ZNF829: variants seen among roughly 807,000 people sequenced by gnomAD.
ZNF829 encodes zinc finger protein 829.
In ZNF829, 25 loss-of-function variants were observed where a neutral mutation model predicts 35.2. That is an observed-to-expected ratio of 0.71 (90% CI 0.52 to 0.99). The LOEUF is 0.99. ZNF829 is among the 50% of genes least tolerant of loss of function. ZNF829 has a pLI of 0.00. For missense variants in ZNF829, 417 were observed against 515.3 expected, an observed-to-expected ratio of 0.81 and a Z score of 1.85; for synonymous variants, 136 against 163.2, an observed-to-expected ratio of 0.83 and a Z score of 1.27.
intron 3 of ZNF829, 120 bp from the exon 4 acceptor site, chr19:36,908,579 A>G (rs1397395555): frequency 1.8e-6 from 2 of 1,137,016 alleles, no homozygotes; most frequent in Admixed American, 5.4e-5. Context: ...ATCAGAAGAT[A>G]TACGTCCTGT....
At chr19:36,904,971 C>T (rs892315493) in intron 5 of ZNF829, among the ~76,000 whole-genome samples, 18 of 152,128 alleles carry the variant, frequency 1.2e-4, no homozygotes, top group African/African-American at 4.1e-4. Flanking sequence ...TCACAAACTC[C>T]TCCCTAGGTT....
At chr19:36,910,980 C>G (rs751061914) in intron 3 of ZNF829, among the ~76,000 whole-genome samples, 1 of 152,150 alleles carries the variant, frequency 6.6e-6, no homozygotes, top group Non-Finnish European at 1.5e-5. Flanking sequence ...GCACTCCAGC[C>G]TGGACAACAG....
At chr19:36,909,024 T>C (rs1363064589) in intron 3 of ZNF829, among the ~76,000 whole-genome samples, 1 of 152,194 alleles carries the variant, frequency 6.6e-6, no homozygotes, top group Non-Finnish European at 1.5e-5. Context: ...ACTTCCAATG[T>C]GGCTTTTCTT....
chr19:36,915,293 G>A, intron 1 of ZNF829, 42 bp from the exon 2 acceptor site: 1 of 1,567,402 alleles, frequency 6.4e-7, no homozygotes, highest in Non-Finnish European at 8.6e-7. Context: ...TAGTTGACAG[G>A]ACCCCATACT....
At chr19:36,914,591 A>G (rs1057277028) in intron 3 of ZNF829, among the ~76,000 whole-genome samples, 3 of 152,216 alleles carry the variant, frequency 2.0e-5, no homozygotes, top group Non-Finnish European at 4.4e-5. Context: ...GCAAACATCA[A>G]AAATGTATTT....
At chr19:36,892,750 A>T in intron 5 of ZNF829, 1 of 507,260 alleles carries the variant, frequency 2.0e-6, no homozygotes. Context: ...CACAGTGTTC[A>T]GCACCATCCT....
At chr19:36,912,557 T>C (rs1481649363) in intron 3 of ZNF829, among the ~76,000 whole-genome samples, 1 of 152,220 alleles carries the variant, frequency 6.6e-6, no homozygotes, top group African/African-American at 2.4e-5. Context: ...GTAAGTGTTT[T>C]GGTTAATATC....
chr19:36,907,887 T>C, intron 5 of ZNF829, 42 bp downstream of exon 5: 1 of 1,532,204 alleles, frequency 6.5e-7, no homozygotes, highest in South Asian at 1.1e-5. Flanking sequence ...CAGAAGTATA[T>C]CTCTTTATAG....
Position 36,891,722 on chromosome 19 carries a change from A to T in ZNF829, c.1069T>A (p.Cys357Ser), listed in dbSNP as rs1323183520. 4.3e-6 allele frequency: 7 copies of T among 1,614,040 alleles called. No individual in the cohort carries two copies. Among genetic ancestry groups the T allele is most frequent in the Non-Finnish European group, 5.9e-6 (7 of 1,180,016 alleles). The change falls in exon 6 of 6, where the codon TGT becomes AGT. Residue 357 changes from cysteine (C) to serine (S), a missense_variant. Coordinates refer to ENST00000391711, the MANE Select transcript of ZNF829 (RefSeq NM_001037232.4). ...AGEKLYECEE[C>S]RKAFIQSSEL... is the part of the protein sequence containing the mutation. ...GAGCTCTGAATAAAGGCCTTTCTAC[A>T]TTCTTCACATTCATAGAGCTTCTCA... is the stretch of plus-strand genomic sequence containing the variant.
At chr19:36,903,043 A>G (rs1465562219) in intron 5 of ZNF829, among the ~76,000 whole-genome samples, 1 of 151,932 alleles carries the variant, frequency 6.6e-6, no homozygotes, top group African/African-American at 2.4e-5. Context: ...CTCAAAAATA[A>G]AAAAGAAGAA....
rs1481728921 is a variant in ZNF829 at position 36,889,448 on chromosome 19, T to C, written c.*2044A>G. On this transcript the variant is annotated 3_prime_UTR_variant, in exon 6 of 6. Transcript: ENST00000391711. ...GGGCTTTTTGTTTTTGCAAGATTTT[T>C]TTCTATTACTGATTCAATTTCAATA... 6.6e-6 allele frequency: 1 copy of C among 152,186 alleles called. No individual in the cohort carries two copies. Among genetic ancestry groups the C allele is most frequent in the African/African-American group, 2.4e-5 (1 of 41,444 alleles). 9.4% of individuals were successfully genotyped at this position (152,186 alleles called of 1,614,324 possible). A position where few individuals can be genotyped will look rare whatever the true frequency, so the allele number is the denominator to read the frequency against.
At chr19:36,909,945 A>G (rs1468232267) in intron 3 of ZNF829, among the ~76,000 whole-genome samples, 1 of 152,210 alleles carries the variant, frequency 6.6e-6, no homozygotes, top group East Asian at 1.9e-4. Flanking sequence ...GTATCAAAAA[A>G]TAGCAATATA....
intron 5 of ZNF829, chr19:36,901,674 A>C (rs1437711359): frequency 3.0e-6 from 1 of 334,310 alleles, no homozygotes; most frequent in Non-Finnish European, 5.6e-6. Flanking sequence ...AGTCACAGAA[A>C]ACTTCTAGTA....
chr19:36,892,580 G>A, intron 5 of ZNF829, 109 bp from the exon 6 acceptor site: 1 of 1,195,198 alleles, frequency 8.4e-7, no homozygotes. Flanking sequence ...AAATTACACA[G>A]TTTTCAAAGG....
chr19:36,904,619 C>T (rs564207765), intron 5 of ZNF829, among the ~76,000 whole-genome samples: 4 of 152,148 alleles, frequency 2.6e-5, no homozygotes, highest in African/African-American at 9.6e-5. Context: ...AGGCTGGTTT[C>T]GAACTCCTGA....
chr19:36,913,708 G>A (rs2073282849), intron 3 of ZNF829, among the ~76,000 whole-genome samples: 1 of 152,128 alleles, frequency 6.6e-6, no homozygotes, highest in African/African-American at 2.4e-5. Context: ...TATAATGACT[G>A]AAGATTTTCC....
Position 36,891,526 on chromosome 19 carries a change from T to TCAG in ZNF829, c.1262_1264dup (p.Ser421_Asp422insAla). ...ATGAATTCCCTCATGGCGAATGAGG[T>TCAG]CAGAGCGACTACCAAAAGCCTTTCC... On this transcript the variant is annotated inframe_insertion, in exon 6 of 6. Coordinates refer to ENST00000391711, the MANE Select transcript of ZNF829 (RefSeq NM_001037232.4). 6.3e-7 allele frequency: 1 copy of TCAG among 1,593,676 alleles called. No homozygotes were observed. The highest frequency in any genetic ancestry group is 8.5e-7 in the Non-Finnish European group (1 of 1,171,540).
At chr19:36,892,819 TC>T in intron 5 of ZNF829, 1 of 794,498 alleles carries the variant, frequency 1.3e-6, no homozygotes, top group Non-Finnish European at 1.7e-6. Flanking sequence ...CCACCCCAGA[TC>T]CCCCACAGGC....
chr19:36,896,170 G>C (rs1302540944), intron 5 of ZNF829, among the ~76,000 whole-genome samples: 1 of 152,094 alleles, frequency 6.6e-6, no homozygotes, highest in Non-Finnish European at 1.5e-5. Context: ...AATTAGCCAG[G>C]CATGGTGGCA....
Sources: gnomAD v4.1 joint callset for allele counts (sites outside exome capture counted in the v4.1 genomes callset) on GRCh38, gnomAD v4.1.1 for gene constraint, MANE v1.5 for transcripts, NCBI Gene and HGNC (gene_info 2026-07-23, HGNC 2026-07-21) for gene names.